The following ZNF462 variants were observed in gnomAD, a reference collection of about 807,000 sequenced individuals.
ZNF462 encodes zinc finger PBX1-interacting protein.
A neutral mutation model predicts 201.9 loss-of-function variants in ZNF462; 10 were observed. The ratio of observed to expected loss-of-function variants is 0.05; its 90% CI spans 0.03 to 0.08. ZNF462 has a LOEUF of 0.08. ZNF462 is among the 10% of genes least tolerant of loss of function. The probability of loss-of-function intolerance (pLI) is 1.00; values close to 1 mark genes in which losing one functional copy is unlikely to be tolerated. For synonymous variants in ZNF462, 1,227 were observed against 1,193.3 expected (o/e 1.03, Z -0.58); for missense variants, 2,523 against 3,168.3 (o/e 0.80, Z 4.89).
chr9:106,863,052 G>GAGAGGAGAGAGA (rs1015608741), upstream of ZNF462: 3 of 393,058 alleles, frequency 7.6e-6, no homozygotes, highest in Middle Eastern at 6.4e-4. Context: ...GGAGAGGGAG[G>GAGAGGAGAGAGA]AGAGGAGAGA....
At chr9:106,887,819 G>C (rs576004088) in intron 1 of ZNF462, among the ~76,000 whole-genome samples, 21 of 152,232 alleles carry the variant, frequency 1.4e-4, no homozygotes, top group Admixed American at 3.3e-4. Flanking sequence ...TTGGGTTATC[G>C]TTACATAGTT....
chr9:106,963,532 T>C lies in ZNF462; in HGVS notation c.6428-8473T>C, dbSNP rs1325599222. Among the ~76,000 whole-genome samples the C allele has an allele frequency of 6.6e-6, 1 of 152,092 alleles. No individual in the cohort carries two copies. Among genetic ancestry groups the C allele is most frequent in the Non-Finnish European group, 1.5e-5 (1 of 67,984 alleles). On this transcript the variant is annotated intron_variant, in intron 7 of 12. Transcript: ENST00000277225. This position sits in a 1 kb window ranked among gnomAD's most constrained non-coding sequence, Gnocchi z 4.7. ...TCAGATTGACAGGAACAATGCCTTG[T>C]GTGCCTGTATAGCACGGCTGTCCAC...
chr9:106,886,015 G>GCC lies in ZNF462; in HGVS notation c.-31+22660_-31+22661insCC, dbSNP rs1232991604. 6.6e-6 allele frequency among the ~76,000 whole-genome samples: 1 copy of GCC among 152,104 alleles called. No homozygotes were observed. The highest frequency in any genetic ancestry group is 1.5e-5 in the Non-Finnish European group (1 of 68,028). Reference sequence around the variant, plus strand: ...CAGGAAAAGGTAACGTATGCTCAAGGTAGCCTTAAAAAAATGTGTGATGCC... The same window carrying GCC: ...CAGGAAAAGGTAACGTATGCTCAAGGCCTAGCCTTAAAAAAATGTGTGATGCC... On this transcript the variant is annotated intron_variant, in intron 1 of 12. Transcript: ENST00000277225. This position sits in a 1 kb window ranked among gnomAD's most constrained non-coding sequence, Gnocchi z 4.6.
Position 106,930,755 on chromosome 9 carries a change from G to A in ZNF462, c.6012+66G>A. 1 of 1,573,842 alleles carries A rather than the reference G, an allele frequency of 6.4e-7. No individual in the cohort carries two copies. The highest frequency in any genetic ancestry group is 8.7e-7 in the Non-Finnish European group (1 of 1,152,260). ...ATTCGAGTTACTTATTAACCCCATT[G>A]CCTAAAGCAGCTCAGGAAAGAGCAT... On this transcript the variant is annotated intron_variant, in intron 4 of 12. Transcript: ENST00000277225. The surrounding 1 kb of genome is among the most constrained non-coding windows in gnomAD (Gnocchi z 5.8).
Position 106,926,334 on chromosome 9 carries a change from A to G in ZNF462, c.2422A>G (p.Lys808Glu), listed in dbSNP as rs747187683. ...EDYYGSSTNLKDHQVSNTALL... is the reference protein window; with the variant it reads ...EDYYGSSTNLEDHQVSNTALL... ...TTATTATGGCTCCTCAACAAACTTG[A>G]AAGATCACCAAGTTTCCAATACTGC... Residue 808 changes from lysine to glutamate, a missense_variant, in exon 3 of 13, where the codon AAA becomes GAA. Physicochemically the swap from Lys to Glu is moderately conservative, Grantham distance 56 (BLOSUM62 1). Coordinates refer to ENST00000277225, the MANE Select transcript of ZNF462 (RefSeq NM_021224.6). This position sits in a 1 kb window ranked among gnomAD's most constrained non-coding sequence, Gnocchi z 7.9. 6.2e-7 allele frequency: 1 copy of G among 1,614,186 alleles called. No individual in the cohort carries two copies.
chr9:106,886,718 C>A lies in ZNF462; in HGVS notation c.-31+23363C>A, dbSNP rs529290044. Among the ~76,000 whole-genome samples the A allele has an allele frequency of 1.1e-3, 162 of 152,236 alleles. 1 individual carries two copies. Among genetic ancestry groups the A allele is most frequent in the Middle Eastern group, 0.01 (3 of 294 alleles). On this transcript the variant is annotated intron_variant, in intron 1 of 12. Transcript: ENST00000277225. This position sits in a 1 kb window ranked among gnomAD's most constrained non-coding sequence, Gnocchi z 4.6. Reference sequence around the variant, plus strand: ...CAATGTAGGAAGTTAGTTAAGGAAGCCTGAAATGGAATATCAGTTTTCTGC... The same window carrying A: ...CAATGTAGGAAGTTAGTTAAGGAAGACTGAAATGGAATATCAGTTTTCTGC...
intron 10 of ZNF462, among the ~76,000 whole-genome samples, chr9:106,999,199 G>C (rs1828979880): frequency 6.6e-6 from 1 of 152,052 alleles, no homozygotes; most frequent in Admixed American, 6.6e-5. Flanking sequence ...ATAATAAACT[G>C]CTTCTCATCT....
At position 106,984,272 on chromosome 9, in the gene ZNF462, T is replaced by C; in HGVS notation, c.6919T>C (p.Phe2307Leu). The C allele has an allele frequency of 6.2e-7, 1 of 1,614,142 alleles. No individual in the cohort carries two copies. The highest frequency in any genetic ancestry group is 8.5e-7 in the Non-Finnish European group (1 of 1,180,006). ...GVVFRCDKCT[F>L]TCSSDESLQQ... ...AGTTTTCCGCTGTGATAAGTGTACC[T>C]TCACCTGCTCCAGTGATGAGAGCCT... Residue 2307 changes from phenylalanine to leucine, a missense_variant, in exon 10 of 13, where the codon TTC (phenylalanine) becomes CTC (leucine). By Grantham distance (22) the Phe-to-Leu change is conservative. Transcript: ENST00000277225. This position sits in a 1 kb window ranked among gnomAD's most constrained non-coding sequence, Gnocchi z 6.4.
Position 106,929,571 on chromosome 9 carries a change from T to G in ZNF462, c.5659T>G (p.Leu1887Val). The change falls in exon 3 of 13, where the codon TTG becomes GTG. Residue 1887 changes from leucine to valine, a missense_variant. By Grantham distance (32) the Leu-to-Val change is conservative. Transcript: ENST00000277225. This position sits in a 1 kb window ranked among gnomAD's most constrained non-coding sequence, Gnocchi z 8.7. ...DFIILGNGPR[L>V]QNSTYQCKHC... ...CATCATTCTGGGCAACGGCCCCCGC[T>G]TGCAGAACTCCACCTACCAGTGTAA... 6.2e-7 allele frequency: 1 copy of G among 1,614,194 alleles called. No homozygotes were observed.
chr9:106,984,472 C>CA lies in ZNF462; in HGVS notation c.7056+64dup, dbSNP rs1827677753. On this transcript the variant is annotated intron_variant, in intron 10 of 12. Transcript: ENST00000277225. This position sits in a 1 kb window ranked among gnomAD's most constrained non-coding sequence, Gnocchi z 6.4. ...TTGTGGGGAGGGGCCAAGGGGGAGACACCACTGCATTTAGTCACGACCACT... is the reference window on the plus strand; with the variant it reads ...TTGTGGGGAGGGGCCAAGGGGGAGACAACCACTGCATTTAGTCACGACCACT... 7.5e-7 allele frequency: 1 copy of CA among 1,338,518 alleles called. No individual in the cohort carries two copies. The highest frequency in any genetic ancestry group is 2.3e-5 in the East Asian group (1 of 43,314). 82.9% of individuals were successfully genotyped at this position (1,338,518 alleles called of 1,614,324 possible). A position where few individuals can be genotyped will look rare whatever the true frequency, so the allele number is the denominator to read the frequency against.
chr9:106,981,160 G>T lies in ZNF462; in HGVS notation c.6833-3026G>T, dbSNP rs555903169. On this transcript the variant is annotated intron_variant, in intron 9 of 12. Coordinates refer to ENST00000277225, the MANE Select transcript of ZNF462 (RefSeq NM_021224.6). The surrounding 1 kb of genome is among the most constrained non-coding windows in gnomAD (Gnocchi z 4.0). ...CATAATTAAGAGATTTGGTAGACTG[G>T]CATTGTCTTAGTTTGGAAATGGGAA... Among the ~76,000 whole-genome samples the T allele has an allele frequency of 2.0e-5, 3 of 152,244 alleles. No homozygotes were observed. Among genetic ancestry groups the T allele is most frequent in the East Asian group, 3.9e-4 (2 of 5,178 alleles).
intron 1 of ZNF462, among the ~76,000 whole-genome samples, chr9:106,868,556 T>C (rs923920302): frequency 2.0e-5 from 3 of 152,190 alleles, no homozygotes; most frequent in Non-Finnish European, 4.4e-5. Context: ...GGACTATTAG[T>C]TATTTAATAT....
rs1830381402 is a variant in ZNF462, at chr9:106,930,484, G to C, written c.5848-41G>C. The C allele has an allele frequency of 2.5e-6, 4 of 1,601,078 alleles. No individual in the cohort carries two copies. Among genetic ancestry groups the C allele is most frequent in the Non-Finnish European group, 3.4e-6 (4 of 1,170,366 alleles). On this transcript the variant is annotated intron_variant, in intron 3 of 12. Coordinates refer to ENST00000277225, the MANE Select transcript of ZNF462 (RefSeq NM_021224.6). The surrounding 1 kb of genome is among the most constrained non-coding windows in gnomAD (Gnocchi z 5.8). ...CAAGAATAAATTCTGACAATTGAGG[G>C]AGGGCTCGGAGTACTGATGGCTACC...
chr9:106,917,544 G>A lies in ZNF462; in HGVS notation c.-30-5810G>A, dbSNP rs1379964196. ...CAGTCTCATATTGGGGGTTACATAT[G>A]TGATTGCAAATTAATCCTTTCTCTT... On this transcript the variant is annotated intron_variant, in intron 1 of 12. Coordinates refer to ENST00000277225, the MANE Select transcript of ZNF462 (RefSeq NM_021224.6). This position sits in a 1 kb window ranked among gnomAD's most constrained non-coding sequence, Gnocchi z 4.5. Among the ~76,000 whole-genome samples, 1 of 152,204 alleles carries A rather than the reference G, an allele frequency of 6.6e-6. No homozygotes were observed. Among genetic ancestry groups the A allele is most frequent in the East Asian group, 1.9e-4 (1 of 5,200 alleles).
At chr9:106,947,945 C>G (rs1018976294) in intron 7 of ZNF462, among the ~76,000 whole-genome samples, 1 of 152,062 alleles carries the variant, frequency 6.6e-6, no homozygotes, top group Non-Finnish European at 1.5e-5. Context: ...AACAGATGTA[C>G]AGATAATATT....
rs1218986042 is a variant in ZNF462 at position 106,925,058 on chromosome 9, G to A, written c.1146G>A (p.Met382Ile). The A allele has an allele frequency of 1.9e-6, 3 of 1,614,174 alleles. No homozygotes were observed. The highest frequency in any genetic ancestry group is 2.5e-6 in the Non-Finnish European group (3 of 1,180,046). Reference sequence around the variant, plus strand: ...CTGCTGACCTGGAAACTAACAGCATGCTAAATGACTCTAGTTCTGATGAAG... The same window carrying A: ...CTGCTGACCTGGAAACTAACAGCATACTAAATGACTCTAGTTCTGATGAAG... ...NSSADLETNS[M>I]LNDSSSDEEL... Residue 382 changes from methionine to isoleucine, a missense_variant, in exon 3 of 13, where the codon ATG (methionine) becomes ATA (isoleucine). Around this residue, in one of 15 missense-constraint regions of ZNF462, gnomAD observed 480 missense variants for 544.4 expected, o/e 0.88. Transcript: ENST00000277225. This position sits in a 1 kb window ranked among gnomAD's most constrained non-coding sequence, Gnocchi z 7.9.
At chr9:106,939,917 T>C (rs1830794878) in intron 7 of ZNF462, among the ~76,000 whole-genome samples, 4 of 152,208 alleles carry the variant, frequency 2.6e-5, no homozygotes, top group Admixed American at 2.6e-4. Context: ...TTCTTCGAGG[T>C]AGACCTGCTC....
In ZNF462 at chr9:106,872,470, C is replaced by A. The variant is rs1827634750; in HGVS notation, c.-31+9115C>A. ...TGCTGCCTCCCAGGTTCAAGCAATT[C>A]TCCTGACTCAGCCTCCCAAGTAGCT... is the stretch of plus-strand genomic sequence containing the variant. On this transcript the variant is annotated intron_variant, in intron 1 of 12. Coordinates refer to ENST00000277225, the MANE Select transcript of ZNF462 (RefSeq NM_021224.6). The surrounding 1 kb of genome is among the most constrained non-coding windows in gnomAD (Gnocchi z 4.5). 6.6e-6 allele frequency among the ~76,000 whole-genome samples: 1 copy of A among 152,180 alleles called. No homozygotes were observed. The highest frequency in any genetic ancestry group is 1.5e-5 in the Non-Finnish European group (1 of 68,028).
intron 1 of ZNF462, among the ~76,000 whole-genome samples, chr9:106,897,466 G>A (rs1284965158): frequency 6.6e-6 from 1 of 151,856 alleles, no homozygotes; most frequent in Non-Finnish European, 1.5e-5. Context: ...TTAATATGTC[G>A]ATCTTTGAAG....
Sources: gnomAD v4.1 joint callset for allele counts (sites outside exome capture counted in the v4.1 genomes callset) on GRCh38, gnomAD v4.1.1 for gene constraint, gnomAD v4.1.1 regional missense constraint, Gnocchi (gnomAD v3.1) non-coding constraint, MANE v1.5 for transcripts, NCBI Gene and HGNC (gene_info 2026-07-23, HGNC 2026-07-21) for gene names.